The following GRM5 variants were observed in gnomAD, a reference collection of about 807,000 sequenced individuals.
GRM5 encodes the protein glutamate metabotropic receptor 5.
GRM5 carries 19 observed loss-of-function variants against 83.1 expected under a neutral mutation model. The ratio of observed to expected loss-of-function variants is 0.23; its 90% confidence interval spans 0.16 to 0.34. GRM5 has a LOEUF of 0.34. Among genes scored for constraint, GRM5 ranks in the 10% least tolerant of loss-of-function variants. The pLI is 1.00. For missense variants in GRM5, 1,160 were observed against 1,588.3 expected (o/e 0.73, Z 4.58); for synonymous variants, 675 against 633.6 (o/e 1.07, Z -0.98).
intron 2 of GRM5, among the ~76,000 whole-genome samples, chr11:88,993,016 A>T (rs902075648): frequency 6.7e-6 from 1 of 149,502 alleles, no homozygotes; most frequent in African/African-American, 2.5e-5. Flanking sequence ...AAAGTATAAT[A>T]AATAAAATAA....
intron 2 of GRM5, among the ~76,000 whole-genome samples, chr11:88,966,758 C>A (rs747935483): frequency 3.3e-5 from 5 of 152,108 alleles, no homozygotes; most frequent in Non-Finnish European, 7.4e-5. Context: ...AGTCTCCCCC[C>A]TGGGTATGAG....
intron 2 of GRM5, among the ~76,000 whole-genome samples, chr11:88,869,923 TAA>T (rs1172994434): frequency 2.6e-5 from 4 of 151,582 alleles, no homozygotes; most frequent in African/African-American, 9.7e-5. Context: ...CACAATTACA[TAA>T]ACAAGTAGAT....
At chr11:88,858,860 C>T (rs184593541) in intron 2 of GRM5, among the ~76,000 whole-genome samples, 6 of 152,068 alleles carry the variant, frequency 3.9e-5, no homozygotes, top group African/African-American at 1.4e-4. Flanking sequence ...GAATAGAAGT[C>T]TGAATTGGAA....
intron 2 of GRM5, among the ~76,000 whole-genome samples, chr11:88,857,952 G>C (rs550123943): frequency 1.1e-3 from 161 of 152,172 alleles, no homozygotes; most frequent in Middle Eastern, 3.4e-3. Flanking sequence ...GGAATAAAAA[G>C]TTATCATTAT....
At chr11:89,025,005 C>G (rs1005120187) in intron 2 of GRM5, among the ~76,000 whole-genome samples, 1 of 152,160 alleles carries the variant, frequency 6.6e-6, no homozygotes, top group Admixed American at 6.5e-5. Context: ...AGCCACAAAT[C>G]TATACAATGT....
intron 9 of GRM5, among the ~76,000 whole-genome samples, chr11:88,514,423 C>T (rs536343266): frequency 1.3e-5 from 2 of 152,160 alleles, no homozygotes; most frequent in South Asian, 4.2e-4. Flanking sequence ...CATTTTCAAG[C>T]AGGGTCTGAA....
intron 2 of GRM5, among the ~76,000 whole-genome samples, chr11:88,974,105 T>G (rs1939253047): frequency 6.6e-6 from 1 of 152,162 alleles, no homozygotes; most frequent in Admixed American, 6.6e-5. Context: ...CATATTTGTT[T>G]TCAAGATCAG....
chr11:89,038,625 C>A (rs1184562600), intron 2 of GRM5, among the ~76,000 whole-genome samples: 1 of 152,122 alleles, frequency 6.6e-6, no homozygotes, highest in Non-Finnish European at 1.5e-5. Flanking sequence ...CTATAATTAA[C>A]CCATTCCATG....
chr11:88,725,436 G>A (rs905535116), intron 3 of GRM5, among the ~76,000 whole-genome samples: 5 of 152,302 alleles, frequency 3.3e-5, no homozygotes, highest in East Asian at 1.9e-4. Flanking sequence ...GCACCTGGGC[G>A]AAGGGGTGAC....
intron 3 of GRM5, among the ~76,000 whole-genome samples, chr11:88,775,181 G>A (rs563723263): frequency 2.6e-5 from 4 of 152,240 alleles, no homozygotes; most frequent in South Asian, 2.1e-4. Context: ...GCGTGTATGC[G>A]TCCAGGAATT....
chr11:88,999,978 T>C (rs1011295659), intron 2 of GRM5, among the ~76,000 whole-genome samples: 3 of 152,106 alleles, frequency 2.0e-5, no homozygotes, highest in African/African-American at 7.2e-5. Context: ...CTCAGCAAAC[T>C]ATCGCAAGGA....
At chr11:88,740,368 T>A (rs1942001468) in intron 3 of GRM5, among the ~76,000 whole-genome samples, 1 of 152,096 alleles carries the variant, frequency 6.6e-6, no homozygotes, top group African/African-American at 2.4e-5. Flanking sequence ...TATTGACTCA[T>A]GGATGTTTGT....
chr11:88,876,657 G>C lies in GRM5; in HGVS notation c.662-26502C>G, dbSNP rs542268199. Among the ~76,000 whole-genome samples the C allele has an allele frequency of 1.5e-3, 223 of 152,128 alleles. 1 individual carries two copies. The highest frequency in any genetic ancestry group is 5.0e-3 in the African/African-American group (208 of 41,514). On this transcript the variant is annotated intron_variant, in intron 2 of 9. Coordinates refer to ENST00000305447, the MANE Select transcript of GRM5 (RefSeq NM_001143831.3). ...ACTCTTTCTTCCAGTTGAAAATTTA[G>C]AGGCCATTGTAGATGATTAATTGGC...
intron 9 of GRM5, among the ~76,000 whole-genome samples, chr11:88,515,565 C>T (rs1941498046): frequency 6.6e-6 from 1 of 152,044 alleles, no homozygotes; most frequent in South Asian, 2.1e-4. Flanking sequence ...GGAAGCATTC[C>T]GTATCCTATA....
chr11:88,790,988 A>C (rs969471019), intron 3 of GRM5, among the ~76,000 whole-genome samples: 2 of 152,346 alleles, frequency 1.3e-5, no homozygotes, highest in Admixed American at 6.5e-5. Flanking sequence ...AATTGCAAGC[A>C]CAGGAGAGGA....
chr11:88,540,744 T>A (rs1479262799), intron 8 of GRM5, among the ~76,000 whole-genome samples: 2 of 152,148 alleles, frequency 1.3e-5, no homozygotes, highest in Non-Finnish European at 2.9e-5. Context: ...TTCTATTTTT[T>A]ATTTTTATTT....
At chr11:88,795,970 T>A (rs1943267600) in intron 3 of GRM5, among the ~76,000 whole-genome samples, 4 of 152,232 alleles carry the variant, frequency 2.6e-5, no homozygotes, top group Admixed American at 2.6e-4. Context: ...AACGTATTAG[T>A]AATTTGAAAT....
intron 3 of GRM5, among the ~76,000 whole-genome samples, chr11:88,790,705 G>T (rs951960001): frequency 6.6e-6 from 1 of 152,146 alleles, no homozygotes; most frequent in South Asian, 2.1e-4. Flanking sequence ...AGGACAAGGG[G>T]TAGGGTATCT....
chr11:88,594,062 G>T (rs1375612993), intron 6 of GRM5, among the ~76,000 whole-genome samples: 1 of 152,044 alleles, frequency 6.6e-6, no homozygotes, highest in African/African-American at 2.4e-5. Flanking sequence ...CAAAGTGCTG[G>T]GATTACAGGC....
Sources: allele counts gnomAD v4.1 joint callset (sites outside exome capture counted in the v4.1 genomes callset), GRCh38; gene constraint gnomAD v4.1.1; transcripts MANE v1.5; gene names NCBI Gene and HGNC (gene_info 2026-07-23, HGNC 2026-07-21).